PIK3R3: variants seen among roughly 807,000 people sequenced by gnomAD.
PIK3R3 encodes the protein phosphatidylinositol 3-kinase regulatory subunit gamma.
Under a neutral mutation model 62.9 loss-of-function variants are expected in PIK3R3, and 64 were observed. The observed-to-expected ratio is 1.02, with a 90% CI of 0.83 to 1.25. PIK3R3 has a LOEUF of 1.25. PIK3R3 is among the 50% of genes most tolerant of loss of function. PIK3R3 has a pLI of 0.00. For missense variants in PIK3R3, 614 were observed against 561.6 expected, an observed-to-expected ratio of 1.09 and a Z score of -0.94; for synonymous variants, 165 against 189.0, an observed-to-expected ratio of 0.87 and a Z score of 1.04.
intron 3 of PIK3R3, among the ~76,000 whole-genome samples, chr1:46,073,235 T>C (rs1376189233): frequency 6.6e-6 from 1 of 152,190 alleles, no homozygotes; most frequent in Non-Finnish European, 1.5e-5. Flanking sequence ...CATGTCCACC[T>C]TGCCTTTGTC....
chr1:46,157,760 A>G, the PIK3R3 span, among the ~76,000 whole-genome samples: 2 of 152,208 alleles, frequency 1.3e-5, no homozygotes. Context: ...GAAGTGCCCA[A>G]GGGTGCTGAA....
intron 1 of PIK3R3, among the ~76,000 whole-genome samples, chr1:46,095,949 A>G (rs192843001): frequency 1.3e-5 from 2 of 152,294 alleles, no homozygotes; most frequent in African/African-American, 4.8e-5. Context: ...AATTATATGT[A>G]TATTTTTCAT....
At chr1:46,086,594 G>A (rs1651077405) in intron 1 of PIK3R3, among the ~76,000 whole-genome samples, 1 of 152,148 alleles carries the variant, frequency 6.6e-6, no homozygotes, top group African/African-American at 2.4e-5. Flanking sequence ...CAGCTACTCG[G>A]AAGGCTGAGG....
intron 1 of PIK3R3, among the ~76,000 whole-genome samples, chr1:46,089,960 T>C (rs1651458606): frequency 6.6e-6 from 1 of 152,070 alleles, no homozygotes; most frequent in African/African-American, 2.4e-5. Flanking sequence ...ATTACCGTAT[T>C]ACAAAAAATA....
intron 1 of PIK3R3, among the ~76,000 whole-genome samples, chr1:46,092,420 G>A (rs1399682348): frequency 7.2e-5 from 11 of 152,194 alleles, no homozygotes; most frequent in African/African-American, 2.4e-4. Context: ...CTGGAGTGCA[G>A]TGGTGCTATC....
intron 6 of PIK3R3, chr1:46,056,426 C>T (rs562754595): frequency 6.5e-6 from 1 of 153,226 alleles, no homozygotes; most frequent in Non-Finnish European, 1.5e-5. Flanking sequence ...GGTATTAGCA[C>T]CCTGATGTTC....
At chr1:46,144,860 C>T in the PIK3R3 span, among the ~76,000 whole-genome samples, 1 of 151,766 alleles carries the variant, frequency 6.6e-6, no homozygotes, top group African/African-American at 2.4e-5. Flanking sequence ...CACGGCGGCT[C>T]ATGGCTGTAA....
rs200275382 is a variant in PIK3R3, at chr1:46,127,456, GTTAT to G, written c.106+4387_106+4390del. 3.4e-4 allele frequency among the ~76,000 whole-genome samples: 52 copies of G among 151,628 alleles called. 2 individuals carry two copies. In the East Asian group the frequency reaches 6.4e-3, roughly 19 times the overall value. On this transcript the variant is annotated intron_variant, in intron 1 of 9. Coordinates refer to ENST00000262741, the MANE Select transcript of PIK3R3 (RefSeq NM_003629.4). The stretch of plus-strand genomic sequence containing the variant: ...AATTGTCCATTAATTTAAAAAGGAA[GTTAT>G]TTATTACATTTTCCTAAAATGAAAA...
rs1380076985 is a variant in PIK3R3 at position 46,043,535 on chromosome 1, T to A, written c.*138A>T. 2.5e-5 allele frequency: 19 copies of A among 750,068 alleles called. No homozygotes were observed. Among genetic ancestry groups the A allele is most frequent in the African/African-American group, 1.8e-5 (1 of 56,990 alleles). The allele number at this position is 750,068 out of a possible 1,614,324, so 46.5% of individuals were successfully genotyped here. ...TGCCCCCATCCCGGCCGGCTGCTGC[T>A]CGGCCTCTCCACTTCACATTCACAA... On this transcript the variant is annotated 3_prime_UTR_variant, in exon 10 of 10. Coordinates refer to ENST00000262741, the MANE Select transcript of PIK3R3 (RefSeq NM_003629.4).
chr1:46,148,792 G>T, the PIK3R3 span, among the ~76,000 whole-genome samples: 1 of 150,140 alleles, frequency 6.7e-6, no homozygotes. Context: ...AAGAGAGAAT[G>T]AATATATAAA....
At chr1:46,162,426 G>A in the PIK3R3 span, among the ~76,000 whole-genome samples, 8 of 151,924 alleles carry the variant, frequency 5.3e-5, no homozygotes, top group East Asian at 1.9e-4. Context: ...AACCGAGATC[G>A]TCCCACTGCA....
At chr1:46,070,481 AAG>A (rs532338000) in intron 3 of PIK3R3, among the ~76,000 whole-genome samples, 27 of 152,244 alleles carry the variant, frequency 1.8e-4, no homozygotes, top group Admixed American at 3.3e-4. Context: ...TGTCCTTTAA[AAG>A]AGAAAAAAAG....
intron 1 of PIK3R3, among the ~76,000 whole-genome samples, chr1:46,113,193 C>A (rs60181999): frequency 6.6e-6 from 1 of 152,228 alleles, no homozygotes; most frequent in East Asian, 1.9e-4. Context: ...TTCCCAAATG[C>A]CTGCAGGATA....
chr1:46,046,515 A>AATAT (rs776715542), intron 8 of PIK3R3, 36 bp downstream of exon 8: 61 of 1,381,668 alleles, frequency 4.4e-5, no homozygotes, highest in Non-Finnish European at 5.7e-5. Context: ...TATTGATAAC[A>AATAT]AAGCCCTCTG....
rs148463829 is a variant in PIK3R3, at chr1:46,111,438, T to C, written c.106+20409A>G. On this transcript the variant is annotated intron_variant, in intron 1 of 9. Coordinates refer to ENST00000262741, the MANE Select transcript of PIK3R3 (RefSeq NM_003629.4). ...AGGGGAATATAATTAGAAAAGGGCA[T>C]GTTTTAGGCTCCATGCAGTGCTCAT... Among the ~76,000 whole-genome samples the C allele has an allele frequency of 6.6e-5, 10 of 152,108 alleles. No homozygotes were observed. In the East Asian group the frequency reaches 1.4e-3, roughly 21 times the overall value.
intron 3 of PIK3R3, among the ~76,000 whole-genome samples, chr1:46,070,081 G>A (rs1649349426): frequency 6.6e-6 from 1 of 152,200 alleles, no homozygotes; most frequent in Non-Finnish European, 1.5e-5. Flanking sequence ...AATAAGGGCA[G>A]AGAAATAGGG....
chr1:46,164,349 G>T, the PIK3R3 span, among the ~76,000 whole-genome samples: 1 of 151,976 alleles, frequency 6.6e-6, no homozygotes, highest in African/African-American at 2.4e-5. Context: ...TTACCTCTCA[G>T]CTCCATCCAT....
intron 3 of PIK3R3, among the ~76,000 whole-genome samples, chr1:46,068,846 C>A (rs1286789676): frequency 1.3e-5 from 2 of 152,128 alleles, no homozygotes; most frequent in Non-Finnish European, 2.9e-5. Context: ...TTAGCTTTTA[C>A]TGAGTGAGAA....
chr1:46,161,272 T>TG, the PIK3R3 span, among the ~76,000 whole-genome samples: 6 of 151,342 alleles, frequency 4.0e-5, no homozygotes, highest in Non-Finnish European at 7.4e-5. Context: ...ATTTTTTTTT[T>TG]TTTTTTGTAG....
Sources: gnomAD v4.1 joint callset for allele counts (sites outside exome capture counted in the v4.1 genomes callset) on GRCh38, gnomAD v4.1.1 for gene constraint, MANE v1.5 for transcripts, NCBI Gene and HGNC (gene_info 2026-07-23, HGNC 2026-07-21) for gene names.